The following CKS1B variants were observed in gnomAD, a reference collection of about 807,000 sequenced individuals.
CKS1B encodes the protein cyclin-dependent kinases regulatory subunit 1.
Under a neutral mutation model 12.2 loss-of-function variants are expected in CKS1B, and 5 were observed. The ratio of observed to expected loss-of-function variants is 0.41; its 90% CI spans 0.21 to 0.86. The LOEUF is 0.86. Ranked by LOEUF, CKS1B falls within the 40% of genes least tolerant of loss-of-function variation. CKS1B has a pLI of 0.32. For missense variants in CKS1B, 53 were observed against 99.9 expected (o/e 0.53, Z 2.00); for synonymous variants, 24 against 34.4 (o/e 0.70, Z 1.06).
chr1:154,978,284 A>C (rs1657240211), intron 2 of CKS1B, 170 bp downstream of exon 2: 2 of 667,396 alleles, frequency 3.0e-6, no homozygotes, highest in South Asian at 2.3e-5. Context: ...TAAGACTAAA[A>C]TATCTGGGAA....
chr1:154,976,295 A>T (rs1657183896), intron 1 of CKS1B, among the ~76,000 whole-genome samples: 1 of 152,234 alleles, frequency 6.6e-6, no homozygotes. Flanking sequence ...TTTTAAGTGC[A>T]TAATCTAGAT....
rs549620168 is a variant in CKS1B, at chr1:154,974,975, C to T, written c.59+171C>T. On this transcript the variant is annotated intron_variant, in intron 1 of 2. Transcript: ENST00000308987. ...AAGGCGCATGCGCGGAGGTGGGAGG[C>T]GCTCGTAAAACAAAGTGGTTGCGAA... is the stretch of plus-strand genomic sequence containing the variant. 7.3e-5 allele frequency: 116 copies of T among 1,597,298 alleles called. 1 individual carries two copies. In the South Asian group the frequency reaches 9.2e-4, roughly 13 times the overall value.
chr1:154,974,916 C>G (rs1228932802), intron 1 of CKS1B, 112 bp downstream of exon 1: 4 of 1,613,678 alleles, frequency 2.5e-6, no homozygotes, highest in African/African-American at 2.7e-5. Flanking sequence ...GTACGAGGTG[C>G]GAACGGGCAA....
chr1:154,976,050 C>T (rs1364839312), intron 1 of CKS1B, among the ~76,000 whole-genome samples: 1 of 151,782 alleles, frequency 6.6e-6, no homozygotes, highest in Non-Finnish European at 1.5e-5. Context: ...ACCTATATAA[C>T]AAACCTGCAC....
intron 1 of CKS1B, 45 bp downstream of exon 1, chr1:154,974,849 C>T (rs1657094585): frequency 1.9e-6 from 3 of 1,613,996 alleles, no homozygotes; most frequent in Non-Finnish European, 2.5e-6. Context: ...TGAGCTTTGG[C>T]CGCTGAGGGC....
intron 1 of CKS1B, chr1:154,975,700 C>G (rs1360805555): frequency 6.5e-6 from 1 of 154,838 alleles, no homozygotes; most frequent in East Asian, 1.9e-4. Context: ...AGAACGCCCC[C>G]CGCCCCGCCA....
chr1:154,978,088 G>C lies in CKS1B; in HGVS notation c.161G>C (p.Trp54Ser). 6.2e-7 allele frequency: 1 copy of C among 1,614,100 alleles called. No individual in the cohort carries two copies. Among genetic ancestry groups the C allele is most frequent in the Non-Finnish European group, 8.5e-7 (1 of 1,180,016 alleles). Residue 54 changes from tryptophan (W) to serine (S), a missense_variant, in exon 2 of 3, where the codon TGG becomes TCG. Transcript: ENST00000308987. The stretch of plus-strand genomic sequence containing the variant: ...CTTGGCGTTCAGCAGAGTCAGGGAT[G>C]GGTCCATTATATGATCCATGAACCA... ...RNLGVQQSQGWVHYMIHEPEP... is the reference protein window; with the variant it reads ...RNLGVQQSQGSVHYMIHEPEP...
Position 154,977,997 on chromosome 1 carries a change from C to CT in CKS1B, c.71dup (p.Pro25AlafsTer10). The CT allele has an allele frequency of 1.2e-6, 2 of 1,612,980 alleles. No individual in the cohort carries two copies. The highest frequency in any genetic ancestry group is 1.7e-6 in the Non-Finnish European group (2 of 1,179,600). The stretch of plus-strand genomic sequence containing the variant: ...CCGTTTCTGTTACAGACATGTCATG[C>CT]TGCCCAAGGACATAGCCAAGCTGGT... On this transcript the variant is annotated frameshift_variant, in exon 2 of 3. Coordinates refer to ENST00000308987, the MANE Select transcript of CKS1B (RefSeq NM_001826.3). LOFTEE classifies it high-confidence loss of function.
At chr1:154,978,261 T>A in intron 2 of CKS1B, 147 bp downstream of exon 2, 2 of 838,302 alleles carry the variant, frequency 2.4e-6, no homozygotes, top group Non-Finnish European at 3.5e-6. Flanking sequence ...AAAAAAAAAC[T>A]AGTGACCAAA....
Position 154,974,694 on chromosome 1 carries a change from A to C in CKS1B, c.-52A>C. 1 of 1,553,870 alleles carries C rather than the reference A, an allele frequency of 6.4e-7. No individual in the cohort carries two copies. Among genetic ancestry groups the C allele is most frequent in the Non-Finnish European group, 8.7e-7 (1 of 1,148,192 alleles). Reference sequence around the variant, plus strand: ...GTGGGTGGGAGCGCGTGCTGTTGGGAGTTGCTTGGAGGTTGGCGGCGCGGG... The same window carrying C: ...GTGGGTGGGAGCGCGTGCTGTTGGGCGTTGCTTGGAGGTTGGCGGCGCGGG... On this transcript the variant is annotated 5_prime_UTR_variant, in exon 1 of 3. Coordinates refer to ENST00000308987, the MANE Select transcript of CKS1B (RefSeq NM_001826.3).
intron 1 of CKS1B, chr1:154,975,049 G>A (rs1373496688): frequency 1.0e-6 from 1 of 957,972 alleles, no homozygotes; most frequent in African/African-American, 1.6e-5. Flanking sequence ...GCGTGGTTAG[G>A]GTACTGACCA....
chr1:154,977,144 T>G (rs1014281491), intron 1 of CKS1B, among the ~76,000 whole-genome samples: 41 of 152,144 alleles, frequency 2.7e-4, no homozygotes, highest in African/African-American at 9.9e-4. Context: ...TTTTTTCTCT[T>G]TTTTTGAGAC....
intron 1 of CKS1B, among the ~76,000 whole-genome samples, chr1:154,975,978 T>TG (rs1466882401): frequency 6.8e-6 from 1 of 145,992 alleles, no homozygotes; most frequent in Non-Finnish European, 1.5e-5. Context: ...AACTGTCGGG[T>TG]ACTATGCTTA....
intron 1 of CKS1B, 136 bp downstream of exon 1, chr1:154,974,940 T>C (rs1657104859): frequency 3.7e-6 from 6 of 1,613,518 alleles, no homozygotes; most frequent in South Asian, 1.1e-5. Flanking sequence ...TGTGATATTG[T>C]GGAAGGCGTA....
In CKS1B at chr1:154,978,718, C is replaced by G. The variant is rs748752389; in HGVS notation, c.188-7C>G. On this transcript the variant is annotated splice_polypyrimidine_tract_variant and splice_region_variant and intron_variant, in intron 2 of 2. Coordinates refer to ENST00000308987, the MANE Select transcript of CKS1B (RefSeq NM_001826.3). ...GCTTGTCTCTTAGATTTCCCTCACT[C>G]TTTCAGAACCTCACATCTTGCTGTT... 2 of 1,613,808 alleles carry G rather than the reference C, an allele frequency of 1.2e-6. No individual in the cohort carries two copies. The highest frequency in any genetic ancestry group is 2.2e-5 in the South Asian group (2 of 91,048).
Position 154,978,685 on chromosome 1 carries a change from T to C in CKS1B, c.188-40T>C, listed in dbSNP as rs199953100. The C allele has an allele frequency of 1.2e-5, 19 of 1,575,422 alleles. No individual in the cohort carries two copies. In the East Asian group the frequency reaches 3.6e-4, roughly 30 times the overall value. On this transcript the variant is annotated intron_variant, in intron 2 of 2. Coordinates refer to ENST00000308987, the MANE Select transcript of CKS1B (RefSeq NM_001826.3). Reference sequence around the variant, plus strand: ...AATACACTATAGGTTGTACATAGAATGGTGTGAGCTTGTCTCTTAGATTTC... The same window carrying C: ...AATACACTATAGGTTGTACATAGAACGGTGTGAGCTTGTCTCTTAGATTTC...
At chr1:154,974,909 C>T (rs777708992) in intron 1 of CKS1B, 105 bp downstream of exon 1, 30 of 1,613,858 alleles carry the variant, frequency 1.9e-5, no homozygotes, top group Non-Finnish European at 2.4e-5. Flanking sequence ...CGCATGCGTA[C>T]GAGGTGCGAA....
Position 154,978,031 on chromosome 1 carries a change from C to T in CKS1B, c.104C>T (p.Thr35Ile). 6.2e-7 allele frequency: 1 copy of T among 1,614,066 alleles called. No homozygotes were observed. The highest frequency in any genetic ancestry group is 8.5e-7 in the Non-Finnish European group (1 of 1,179,950). Reference sequence around the variant, plus strand: ...GACATAGCCAAGCTGGTCCCTAAAACCCATCTGATGTCTGAATCTGAATGG... The same window carrying T: ...GACATAGCCAAGCTGGTCCCTAAAATCCATCTGATGTCTGAATCTGAATGG... ...PKDIAKLVPK[T>I]HLMSESEWRN... The change falls in exon 2 of 3, where the codon ACC becomes ATC. Residue 35 changes from threonine to isoleucine, a missense_variant. Transcript: ENST00000308987.
intron 2 of CKS1B, 156 bp from the exon 3 acceptor site, chr1:154,978,569 A>G (rs1018454464): frequency 4.2e-5 from 27 of 646,738 alleles, no homozygotes; most frequent in Non-Finnish European, 6.6e-5. Context: ...CAGACAGTCC[A>G]GACTTCTGGG....
Sources: gnomAD v4.1 joint callset for allele counts (sites outside exome capture counted in the v4.1 genomes callset) on GRCh38, gnomAD v4.1.1 for gene constraint, MANE v1.5 for transcripts, NCBI Gene and HGNC (gene_info 2026-07-23, HGNC 2026-07-21) for gene names.